Variants in CSMD1 observed in about 807,000 individuals in gnomAD.
CSMD1 encodes the protein CUB and sushi domain-containing protein 1.
A neutral mutation model predicts 417.5 loss-of-function variants in CSMD1; 213 were observed. The observed-to-expected ratio is 0.51, with a 90% CI of 0.46 to 0.57. The LOEUF is 0.57. Ranked by LOEUF, CSMD1 falls within the 20% of genes least tolerant of loss-of-function variation. CSMD1 has a pLI of 0.00. For synonymous variants in CSMD1, 2,862 were observed against 1,736.8 expected (o/e 1.65, Z -16.11); for missense variants, 6,923 against 4,529.7 (o/e 1.53, Z -15.17).
At chr8:3,686,578 C>G (rs1158447197) in intron 7 of CSMD1, among the ~76,000 whole-genome samples, 1 of 152,114 alleles carries the variant, frequency 6.6e-6, no homozygotes, top group East Asian at 1.9e-4. Flanking sequence ...TGTCTTGATA[C>G]CAAAAGGGAA....
chr8:3,481,812 C>T (rs572843702), intron 11 of CSMD1, among the ~76,000 whole-genome samples: 2 of 152,234 alleles, frequency 1.3e-5, no homozygotes, highest in East Asian at 3.9e-4. Context: ...TTCCCCAGGG[C>T]CTTTGGAGTG....
In CSMD1 at chr8:4,006,002, G is replaced by A. The variant is rs181915488; in HGVS notation, c.611-7892C>T. Among the ~76,000 whole-genome samples the A allele has an allele frequency of 9.2e-3, 1,399 of 152,212 alleles. 5 individuals are homozygous for A. The highest frequency in any genetic ancestry group is 0.015 in the Non-Finnish European group (1,037 of 67,998). On this transcript the variant is annotated intron_variant, in intron 4 of 69. Transcript: ENST00000635120. ...TCTCTACTAGAATGAGCAGAGAAGG[G>A]TTTTCTGAAAACACAATATTTAGGA...
intron 20 of CSMD1, among the ~76,000 whole-genome samples, chr8:3,362,234 A>C (rs1029296817): frequency 6.6e-6 from 1 of 152,208 alleles, no homozygotes; most frequent in Non-Finnish European, 1.5e-5. Context: ...TCTGGTTATC[A>C]TTAGCACAAA....
At chr8:3,123,515 C>G (rs1817325359) in intron 41 of CSMD1, among the ~76,000 whole-genome samples, 2 of 152,118 alleles carry the variant, frequency 1.3e-5, no homozygotes, top group Admixed American at 1.3e-4. Context: ...ATCAGCAATT[C>G]ATTTCTCATT....
At chr8:4,015,302 C>G (rs930307950) in intron 4 of CSMD1, among the ~76,000 whole-genome samples, 2 of 152,064 alleles carry the variant, frequency 1.3e-5, no homozygotes, top group African/African-American at 4.8e-5. Context: ...TTTATAGGCA[C>G]CCATAAAAAG....
intron 1 of CSMD1, among the ~76,000 whole-genome samples, chr8:4,703,924 T>A (rs1807747120): frequency 6.6e-6 from 1 of 152,142 alleles, no homozygotes; most frequent in Non-Finnish European, 1.5e-5. Context: ...TCATCAGGCA[T>A]TAGATTCTCA....
intron 46 of CSMD1, 72 bp from the exon 47 acceptor site, chr8:3,097,109 C>CTATTG: frequency 1.6e-6 from 2 of 1,213,978 alleles, no homozygotes; most frequent in Non-Finnish European, 2.2e-6. Context: ...AGTTTCTATC[C>CTATTG]CTGTATAAAC....
intron 1 of CSMD1, among the ~76,000 whole-genome samples, chr8:4,703,299 A>G (rs1368819953): frequency 2.0e-5 from 3 of 152,096 alleles, no homozygotes; most frequent in African/African-American, 7.2e-5. Context: ...AGATAATCAG[A>G]ATCTTCTCAG....
At chr8:4,686,652 T>G (rs187830653) in intron 1 of CSMD1, among the ~76,000 whole-genome samples, 1 of 152,224 alleles carries the variant, frequency 6.6e-6, no homozygotes, top group Non-Finnish European at 1.5e-5. Flanking sequence ...AATATACAAG[T>G]TGACCTGTTG....
At chr8:3,470,611 C>A (rs1054691747) in intron 11 of CSMD1, among the ~76,000 whole-genome samples, 1 of 152,116 alleles carries the variant, frequency 6.6e-6, no homozygotes, top group South Asian at 2.1e-4. Flanking sequence ...ATAGTCAATG[C>A]AGGGCAGCTC....
At chr8:3,936,570 C>T (rs1483157674) in intron 5 of CSMD1, among the ~76,000 whole-genome samples, 1 of 152,160 alleles carries the variant, frequency 6.6e-6, no homozygotes, top group Non-Finnish European at 1.5e-5. Context: ...GGGAAGATAG[C>T]ACATCTCTTT....
intron 5 of CSMD1, among the ~76,000 whole-genome samples, chr8:3,791,725 A>T (rs940088920): frequency 6.6e-6 from 1 of 152,144 alleles, no homozygotes; most frequent in Admixed American, 6.5e-5. Context: ...CAGGAGGCTG[A>T]AGCAAGAGAA....
intron 3 of CSMD1, among the ~76,000 whole-genome samples, chr8:4,378,104 A>C (rs1802871081): frequency 6.6e-6 from 1 of 152,240 alleles, no homozygotes; most frequent in Admixed American, 6.5e-5. Flanking sequence ...CAAAACACAG[A>C]AGCCAAATTT....
chr8:3,999,427 T>C (rs1203215868), intron 4 of CSMD1, among the ~76,000 whole-genome samples: 1 of 152,210 alleles, frequency 6.6e-6, no homozygotes, highest in Non-Finnish European at 1.5e-5. Flanking sequence ...CAAGTTCCAA[T>C]ATTTCTTTCA....
chr8:3,222,200 G>C (rs1462970164), intron 28 of CSMD1, among the ~76,000 whole-genome samples: 1 of 152,110 alleles, frequency 6.6e-6, no homozygotes, highest in Non-Finnish European at 1.5e-5. Context: ...TTCCAGAGGG[G>C]TGTATAAAAC....
At chr8:4,221,338 T>G (rs1336381491) in intron 3 of CSMD1, among the ~76,000 whole-genome samples, 2 of 151,412 alleles carry the variant, frequency 1.3e-5, no homozygotes, top group Non-Finnish European at 2.9e-5. Context: ...CACAAAATGT[T>G]TCAAAGGCAC....
rs1016969870 is a variant in CSMD1 at position 4,310,389 on chromosome 8, C to T, written c.415+109564G>A. On this transcript the variant is annotated intron_variant, in intron 3 of 69. Transcript: ENST00000635120. ...CACAGACAGTGTTTCTCACAGCCTA[C>T]ATGATGCCCAGTCATTTAAACATTT... Among the ~76,000 whole-genome samples, 9 of 152,168 alleles carry T rather than the reference C, an allele frequency of 5.9e-5. No individual in the cohort carries two copies. The East Asian group carries it at 1.7e-3, about 29-fold the overall frequency.
intron 5 of CSMD1, among the ~76,000 whole-genome samples, chr8:3,826,610 C>T (rs940184686): frequency 2.0e-5 from 3 of 152,096 alleles, no homozygotes; most frequent in African/African-American, 2.4e-5. Context: ...TCCTCTCAGT[C>T]CCGTTCTGCT....
At chr8:4,257,932 G>A (rs552629081) in intron 3 of CSMD1, among the ~76,000 whole-genome samples, 111 of 152,190 alleles carry the variant, frequency 7.3e-4, no homozygotes, top group African/African-American at 2.6e-3. Context: ...AAAAATAATA[G>A]CCTTTTTCAA....
Sources: gnomAD v4.1 joint callset for allele counts (sites outside exome capture counted in the v4.1 genomes callset) on GRCh38, gnomAD v4.1.1 for gene constraint, MANE v1.5 for transcripts, NCBI Gene and HGNC (gene_info 2026-07-23, HGNC 2026-07-21) for gene names.